Variants in MAPK10 observed in about 807,000 individuals in gnomAD.
MAPK10 encodes JNK3 alpha protein kinase.
MAPK10 carries 25 observed loss-of-function variants against 59.3 expected under a neutral mutation model. The ratio of observed to expected loss-of-function variants is 0.42; its 90% confidence interval spans 0.31 to 0.59. The LOEUF is 0.59. MAPK10 is among the 20% of genes least tolerant of loss of function. The pLI, the probability that MAPK10 is intolerant of heterozygous loss-of-function variation, is 0.15. For missense variants in MAPK10, 351 were observed against 568.9 expected, an observed-to-expected ratio of 0.62 and a Z score of 3.90; for synonymous variants, 190 against 200.5, an observed-to-expected ratio of 0.95 and a Z score of 0.44.
At chr4:86,523,780 A>G (rs1579474911) in intron 1 of MAPK10, among the ~76,000 whole-genome samples, 1 of 152,280 alleles carries the variant, frequency 6.6e-6, no homozygotes, top group East Asian at 1.9e-4. Context: ...AAGGCTCTAA[A>G]TCTATATCTC....
chr4:86,020,460 T>C (rs1745884513), intron 13 of MAPK10: 1 of 153,198 alleles, frequency 6.5e-6, no homozygotes, highest in South Asian at 2.1e-4. Context: ...AGAAGTGGAA[T>C]TGCTGGGGCA....
At chr4:86,062,160 C>T (rs1231676599) in intron 11 of MAPK10, among the ~76,000 whole-genome samples, 1 of 152,104 alleles carries the variant, frequency 6.6e-6, no homozygotes, top group East Asian at 1.9e-4. Context: ...TACAACATGT[C>T]TAGATGTAAG....
intron 2 of MAPK10, among the ~76,000 whole-genome samples, chr4:86,280,947 G>A (rs2094777005): frequency 6.6e-6 from 1 of 152,018 alleles, no homozygotes; most frequent in Non-Finnish European, 1.5e-5. Flanking sequence ...ACTACTGGGG[G>A]AAGGAGGAAA....
chr4:86,263,498 T>C (rs2094102891), intron 2 of MAPK10, among the ~76,000 whole-genome samples: 1 of 152,104 alleles, frequency 6.6e-6, no homozygotes, highest in South Asian at 2.1e-4. Context: ...TTGCCCTCCC[T>C]CCAACAAGAC....
Position 86,197,845 on chromosome 4 carries a change from A to G in MAPK10, c.-6-3438T>C, listed in dbSNP as rs12508939. Among the ~76,000 whole-genome samples the G allele has an allele frequency of 8.2e-3, 1,247 of 152,292 alleles. 7 individuals are homozygous for G. Among genetic ancestry groups the G allele is most frequent in the Non-Finnish European group, 0.013 (870 of 68,026 alleles). ...GCCGGCAAGGGAAGTATTCTGCCAGAGATCAAGAACTATTATAAAGGTGTG... is the reference window on the plus strand; with the variant it reads ...GCCGGCAAGGGAAGTATTCTGCCAGGGATCAAGAACTATTATAAAGGTGTG... On this transcript the variant is annotated intron_variant, in intron 2 of 13. Coordinates refer to ENST00000641462, the MANE Select transcript of MAPK10 (RefSeq NM_138982.4).
chr4:86,285,728 C>T (rs1441508215), intron 2 of MAPK10, among the ~76,000 whole-genome samples: 5 of 152,118 alleles, frequency 3.3e-5, no homozygotes, highest in African/African-American at 9.7e-5. Context: ...TAGGAATTGG[C>T]TCACACAATT....
intron 11 of MAPK10, among the ~76,000 whole-genome samples, chr4:86,037,790 T>A (rs949049524): frequency 6.6e-6 from 1 of 152,110 alleles, no homozygotes; most frequent in African/African-American, 2.4e-5. Context: ...AATCACAGAG[T>A]TAATTAGTGA....
intron 1 of MAPK10, among the ~76,000 whole-genome samples, chr4:86,508,872 A>G (rs1755994335): frequency 6.6e-6 from 1 of 152,176 alleles, no homozygotes; most frequent in African/African-American, 2.4e-5. Flanking sequence ...CAGGCATGTC[A>G]AGCTTTCTGG....
chr4:86,571,770 T>C (rs1224531358), intron 1 of MAPK10, among the ~76,000 whole-genome samples: 3 of 152,138 alleles, frequency 2.0e-5, no homozygotes, highest in Non-Finnish European at 4.4e-5. Context: ...AATAATTGAA[T>C]TTACTTGTCT....
chr4:86,092,490 G>A (rs1256690378), intron 9 of MAPK10, among the ~76,000 whole-genome samples: 1 of 151,976 alleles, frequency 6.6e-6, no homozygotes, highest in Non-Finnish European at 1.5e-5. Flanking sequence ...AACAGAAAAT[G>A]TATAATAAAA....
At chr4:86,356,403 A>T (rs189657496) in intron 1 of MAPK10, 136 of 306,756 alleles carry the variant, frequency 4.4e-4, no homozygotes, top group Non-Finnish European at 5.8e-4. Context: ...GAAATAGTAT[A>T]TGTGTGAGGT....
chr4:86,454,623 CTGGAAGTA>C (rs968787509), upstream of MAPK10, among the ~76,000 whole-genome samples: 1 of 152,058 alleles, frequency 6.6e-6, no homozygotes. Flanking sequence ...TCCAAGAAGT[CTGGAAGTA>C]TGTTAAATGG....
At chr4:86,169,685 C>T (rs574897370) in intron 3 of MAPK10, among the ~76,000 whole-genome samples, 136 of 151,778 alleles carry the variant, frequency 9.0e-4, no homozygotes, top group African/African-American at 3.3e-3. Context: ...CAAGGCAGGC[C>T]AACATTCAGA....
intron 3 of MAPK10, among the ~76,000 whole-genome samples, chr4:86,169,177 A>T (rs960254418): frequency 3.3e-5 from 5 of 152,254 alleles, no homozygotes; most frequent in South Asian, 2.1e-4. Context: ...CCAAAGGAAC[A>T]CAGTTCCTCA....
At chr4:86,484,567 A>C (rs566085703) in intron 1 of MAPK10, among the ~76,000 whole-genome samples, 16 of 152,302 alleles carry the variant, frequency 1.1e-4, no homozygotes, top group Middle Eastern at 3.4e-3. Context: ...AATAAAATCC[A>C]CCCAAAGATA....
At chr4:86,517,085 C>G (rs1198862885) in intron 1 of MAPK10, among the ~76,000 whole-genome samples, 1 of 151,968 alleles carries the variant, frequency 6.6e-6, no homozygotes, top group Admixed American at 6.5e-5. Flanking sequence ...AGGTATGTCC[C>G]TTCTTTGCTG....
chr4:86,528,428 A>G (rs1490297280), intron 1 of MAPK10, among the ~76,000 whole-genome samples: 1 of 152,174 alleles, frequency 6.6e-6, no homozygotes, highest in East Asian at 1.9e-4. Flanking sequence ...CCTTCTATAT[A>G]TTTTGAATTC....
chr4:86,394,069 A>G (rs1466888988), intron 1 of MAPK10, among the ~76,000 whole-genome samples: 2 of 152,076 alleles, frequency 1.3e-5, no homozygotes, highest in Non-Finnish European at 2.9e-5. Context: ...TCAGGAGTTC[A>G]AGACCAGCCT....
intron 4 of MAPK10, among the ~76,000 whole-genome samples, chr4:86,145,279 G>A (rs2064660811): frequency 2.2e-5 from 2 of 91,056 alleles, no homozygotes; most frequent in Non-Finnish European, 4.3e-5. Context: ...GGAGAATGGC[G>A]TGAACCCGGG....
Sources: allele counts gnomAD v4.1 joint callset (sites outside exome capture counted in the v4.1 genomes callset), GRCh38; gene constraint gnomAD v4.1.1; transcripts MANE v1.5; gene names NCBI Gene and HGNC (gene_info 2026-07-23, HGNC 2026-07-21).